The following MICU2 variants were observed in gnomAD, a reference collection of about 807,000 sequenced individuals.
MICU2 encodes mitochondrial calcium uptake 2.
Under a neutral mutation model 60.4 loss-of-function variants are expected in MICU2, and 64 were observed. The observed-to-expected ratio is 1.06, with a 90% CI of 0.87 to 1.31. The LOEUF (loss-of-function observed/expected upper bound fraction) is 1.31. Ranked by LOEUF, MICU2 falls within the 50% of genes most tolerant of loss-of-function variation. The pLI, the probability that MICU2 is intolerant of heterozygous loss-of-function variation, is 0.00. For missense variants in MICU2, 569 were observed against 531.0 expected (o/e 1.07, Z -0.70); for synonymous variants, 201 against 175.0 (o/e 1.15, Z -1.17).
In MICU2 at chr13:21,502,970, CT is replaced by C; in HGVS notation, c.888del (p.Asp297IlefsTer7). Reference sequence around the variant, plus strand: ...TCTCTCACATTTTTCCAATAAATATCTTTATTTTCAGTGTTAGTGAAAAAAA... The same window carrying C: ...TCTCTCACATTTTTCCAATAAATATCTTATTTTCAGTGTTAGTGAAAAAAA... ...WLLFFTNTEN[K>X]DIYWKNVREK... is the part of the protein sequence containing the mutation. On this transcript the variant is annotated frameshift_variant, in exon 9 of 12. Transcript: ENST00000382374. LOFTEE classifies it high-confidence loss of function. 6.2e-7 allele frequency: 1 copy of C among 1,612,020 alleles called. No individual in the cohort carries two copies. The highest frequency in any genetic ancestry group is 1.3e-5 in the African/African-American group (1 of 74,926).
chr13:21,517,141 A>C (rs1886590118), intron 6 of MICU2, among the ~76,000 whole-genome samples: 1 of 152,216 alleles, frequency 6.6e-6, no homozygotes, highest in Non-Finnish European at 1.5e-5. Flanking sequence ...TACACTTACT[A>C]ACACAGTTTT....
intron 9 of MICU2, chr13:21,496,625 A>G (rs1320232474): frequency 1.9e-5 from 3 of 156,928 alleles, no homozygotes; most frequent in Admixed American, 6.3e-5. Context: ...GCCCTTTATA[A>G]CGTGTATGAC....
chr13:21,550,690 C>G (rs1887538112), intron 2 of MICU2, among the ~76,000 whole-genome samples: 1 of 152,108 alleles, frequency 6.6e-6, no homozygotes, highest in African/African-American at 2.4e-5. Context: ...ATAATAACTG[C>G]CAATATTTTT....
At chr13:21,509,386 A>T (rs1196889286) in intron 8 of MICU2, among the ~76,000 whole-genome samples, 1 of 152,230 alleles carries the variant, frequency 6.6e-6, no homozygotes, top group Non-Finnish European at 1.5e-5. Flanking sequence ...TGTACTGTTT[A>T]TGGCTGCTTT....
At chr13:21,514,940 TC>T (rs1886530321) in intron 6 of MICU2, among the ~76,000 whole-genome samples, 2 of 152,160 alleles carry the variant, frequency 1.3e-5, no homozygotes, top group South Asian at 4.1e-4. Flanking sequence ...ACTACAATCT[TC>T]TACTAAGAAA....
intron 1 of MICU2, among the ~76,000 whole-genome samples, chr13:21,574,125 G>C (rs1411664309): frequency 1.3e-5 from 2 of 152,182 alleles, no homozygotes; most frequent in African/African-American, 4.8e-5. Context: ...TGCAGTGGTG[G>C]AGATCAAAGA....
chr13:21,525,698 C>A (rs1195940833), intron 4 of MICU2, among the ~76,000 whole-genome samples: 1 of 151,594 alleles, frequency 6.6e-6, no homozygotes, highest in East Asian at 1.9e-4. Flanking sequence ...TTTTCATGTG[C>A]TTTTCATGTG....
intron 2 of MICU2, among the ~76,000 whole-genome samples, chr13:21,559,392 A>G (rs1183514061): frequency 6.6e-6 from 1 of 152,180 alleles, no homozygotes; most frequent in African/African-American, 2.4e-5. Flanking sequence ...CATATATCCC[A>G]CTGCACAGGG....
rs902664748 is a variant in MICU2, at chr13:21,583,744, G to C, written c.211-16800C>G. On this transcript the variant is annotated intron_variant, in intron 1 of 11. Coordinates refer to ENST00000382374, the MANE Select transcript of MICU2 (RefSeq NM_152726.3). ...ATCCTGGAGCATTCCAAGCATTCCA[G>C]AACTTCCCAGGACTGGGCCTGAATG... Among the ~76,000 whole-genome samples the C allele has an allele frequency of 4.6e-5, 7 of 152,198 alleles. No individual in the cohort carries two copies. In the South Asian group the frequency reaches 1.5e-3, roughly 32 times the overall value.
chr13:21,502,941 C>T lies in MICU2; in HGVS notation c.918G>A (p.Lys306=). The change falls in exon 9 of 12, where the codon AAG becomes AAA. Residue 306 remains lysine (K), a synonymous_variant. Transcript: ENST00000382374. ...GTATACCAACCTCTCCTGCTGACAA[C>T]TTCTCTCTCACATTTTTCCAATAAA... is the stretch of plus-strand genomic sequence containing the variant. The part of the protein sequence containing the change: ...KDIYWKNVRE[K]LSAGESISLD... The T allele has an allele frequency of 1.2e-6, 2 of 1,610,780 alleles. No homozygotes were observed. The highest frequency in any genetic ancestry group is 1.7e-6 in the Non-Finnish European group (2 of 1,179,370).
Position 21,604,116 on chromosome 13 carries a change from CACCCGCGCGCAGCT to C in MICU2, c.19_32del (p.Ser7GlyfsTer63). The C allele has an allele frequency of 6.3e-7, 1 of 1,577,924 alleles. No homozygotes were observed. The highest frequency in any genetic ancestry group is 1.4e-5 in the African/African-American group (1 of 73,046). On this transcript the variant is annotated frameshift_variant, in exon 1 of 12. Transcript: ENST00000382374. LOFTEE classifies it high-confidence loss of function. The stretch of plus-strand genomic sequence containing the variant: ...GTCGCAGTTTTCCGCCCCAGGCCGC[CACCCGCGCGCAGCT>C]ACCCGCAGCCGCCGCCATCTTTGCG...
chr13:21,501,494 C>T (rs1384938463), intron 9 of MICU2, among the ~76,000 whole-genome samples: 2 of 152,144 alleles, frequency 1.3e-5, no homozygotes, highest in Admixed American at 1.3e-4. Flanking sequence ...GATCTCCTGA[C>T]CTCATGATCT....
intron 2 of MICU2, among the ~76,000 whole-genome samples, chr13:21,564,315 G>T (rs2093803): frequency 0.98 from 148,486 of 152,272 alleles, 72,492 homozygotes; most frequent in Middle Eastern, 1. Flanking sequence ...GAATCGGTTG[G>T]GTTTACTGTT....
chr13:21,553,396 T>A (rs1254712812), intron 2 of MICU2, among the ~76,000 whole-genome samples: 1 of 152,190 alleles, frequency 6.6e-6, no homozygotes, highest in African/African-American at 2.4e-5. Flanking sequence ...GACTTCCTCT[T>A]TTCCTAACTG....
intron 7 of MICU2, among the ~76,000 whole-genome samples, chr13:21,511,928 CCA>C (rs1310411492): frequency 6.6e-6 from 1 of 151,904 alleles, no homozygotes; most frequent in Non-Finnish European, 1.5e-5. Flanking sequence ...TAATGGAGTC[CCA>C]CAGTTTATTC....
intron 1 of MICU2, among the ~76,000 whole-genome samples, chr13:21,570,292 G>T (rs1200996438): frequency 1.4e-5 from 2 of 147,744 alleles, no homozygotes; most frequent in Non-Finnish European, 3.1e-5. Flanking sequence ...TTTATTATAC[G>T]GTAGTAGAAT....
intron 2 of MICU2, among the ~76,000 whole-genome samples, chr13:21,550,650 T>C (rs1887536908): frequency 6.6e-6 from 1 of 152,214 alleles, no homozygotes; most frequent in African/African-American, 2.4e-5. Context: ...TTTAAAAATC[T>C]AAAATCACCC....
intron 2 of MICU2, among the ~76,000 whole-genome samples, chr13:21,565,057 G>T (rs1887944655): frequency 6.6e-6 from 1 of 152,174 alleles, no homozygotes; most frequent in African/African-American, 2.4e-5. Flanking sequence ...ATTCTCTGAT[G>T]AATCTAACAG....
chr13:21,571,695 C>T (rs954278538), intron 1 of MICU2, among the ~76,000 whole-genome samples: 2 of 152,096 alleles, frequency 1.3e-5, no homozygotes, highest in African/African-American at 4.8e-5. Flanking sequence ...GAGACTGCGT[C>T]TCAAAAGGGG....
Sources: gnomAD v4.1 joint callset for allele counts (sites outside exome capture counted in the v4.1 genomes callset) on GRCh38, gnomAD v4.1.1 for gene constraint, MANE v1.5 for transcripts, NCBI Gene and HGNC (gene_info 2026-07-23, HGNC 2026-07-21) for gene names.